Variants in PALD1 observed in about 807,000 individuals in gnomAD.
PALD1 encodes the protein phosphatase domain containing paladin 1.
Under a neutral mutation model 96.0 loss-of-function variants are expected in PALD1, and 57 were observed. The ratio of observed to expected loss-of-function variants is 0.59; its 90% CI spans 0.48 to 0.74. The LOEUF (loss-of-function observed/expected upper bound fraction) is 0.74, where lower values mean the gene tolerates loss of function less well. Ranked by LOEUF, PALD1 falls within the 30% of genes least tolerant of loss-of-function variation. The pLI is 0.00. For synonymous variants in PALD1, 464 were observed against 473.6 expected, an observed-to-expected ratio of 0.98 and a Z score of 0.26; for missense variants, 1,063 against 1,143.7, an observed-to-expected ratio of 0.93 and a Z score of 1.02.
At chr10:70,516,690 A>G (rs35106227) in intron 1 of PALD1, among the ~76,000 whole-genome samples, 26,741 of 151,804 alleles carry the variant, frequency 0.18, 2,899 homozygotes, top group African/African-American at 0.3. Flanking sequence ...AGTTGCTGCT[A>G]CTACAGGCAT....
intron 1 of PALD1, among the ~76,000 whole-genome samples, chr10:70,503,053 T>G (rs1228022894): frequency 6.6e-6 from 1 of 151,986 alleles, no homozygotes; most frequent in Non-Finnish European, 1.5e-5. Flanking sequence ...GCTAATTTTG[T>G]ATTTTTAGTA....
Position 70,540,965 on chromosome 10 carries a change from TTGTG to T in PALD1, c.1909-132_1909-129del, listed in dbSNP as rs1847229853. ...TCTCATGCACCCCGGTGAGTTTTGT[TTGTG>T]TGTGCAAGCTTGGGAGCCTGACAAT... On this transcript the variant is annotated intron_variant, in intron 15 of 19. Transcript: ENST00000263563. This position sits in a 1 kb window ranked among gnomAD's most constrained non-coding sequence, Gnocchi z 4.2. 24 of 912,010 alleles carry T rather than the reference TTGTG, an allele frequency of 2.6e-5. No individual in the cohort carries two copies. The highest frequency in any genetic ancestry group is 3.8e-5 in the Non-Finnish European group (23 of 602,494). The allele number at this position is 912,010 out of a possible 1,614,324, so 56.5% of individuals were successfully genotyped here. A position where few individuals can be genotyped will look rare whatever the true frequency, so the allele number is the denominator to read the frequency against.
the PALD1 span, among the ~76,000 whole-genome samples, chr10:70,467,321 G>A: frequency 6.6e-6 from 1 of 151,984 alleles, no homozygotes; most frequent in African/African-American, 2.4e-5. Context: ...GAAGCCTGGG[G>A]GTGGGGGTAT....
chr10:70,482,154 G>A (rs933576634), intron 1 of PALD1, among the ~76,000 whole-genome samples: 4 of 152,146 alleles, frequency 2.6e-5, no homozygotes, highest in Admixed American at 1.3e-4. Flanking sequence ...GAGCAGGCTG[G>A]GTGGGCCAGG....
At chr10:70,529,868 C>T (rs2132363862) in intron 3 of PALD1, 21 bp from the exon 4 acceptor site, 1 of 1,611,258 alleles carries the variant, frequency 6.2e-7, no homozygotes, top group East Asian at 2.2e-5. Flanking sequence ...GAGTGACCTT[C>T]CTGTGGCTCT....
Position 70,518,101 on chromosome 10 carries a change from C to T in PALD1, c.-29-7822C>T, listed in dbSNP as rs185537594. On this transcript the variant is annotated intron_variant, in intron 1 of 19. Transcript: ENST00000263563. ...TATTTTTAGTAGAGATGGGGTTTCT[C>T]GATGTTGGTCAGGCTGGTCTCGAAC... Among the ~76,000 whole-genome samples the T allele has an allele frequency of 5.5e-3, 833 of 152,156 alleles. 5 individuals are homozygous for T. The highest frequency in any genetic ancestry group is 0.017 in the Middle Eastern group (5 of 294).
At chr10:70,555,727 C>T (rs1472900490) in intron 18 of PALD1, among the ~76,000 whole-genome samples, 8 of 152,342 alleles carry the variant, frequency 5.3e-5, no homozygotes, top group East Asian at 1.9e-4. Flanking sequence ...GTTGGCCGGG[C>T]GCAGTGGCTC....
chr10:70,462,352 C>G, the PALD1 span, among the ~76,000 whole-genome samples: 2 of 152,228 alleles, frequency 1.3e-5, no homozygotes, highest in African/African-American at 2.4e-5. Flanking sequence ...CTTAACTAAT[C>G]TATGCCTCCC....
At position 70,564,458 on chromosome 10, in the gene PALD1, C is replaced by T. The variant is rs189614985; in HGVS notation, c.2357C>T (p.Ala786Val). 66 of 1,614,132 alleles carry T rather than the reference C, an allele frequency of 4.1e-5. No homozygotes were observed. In the East Asian group the frequency reaches 1.1e-3, roughly 27 times the overall value. Residue 786 changes from alanine to valine, a missense_variant, in exon 19 of 20, where the codon GCG becomes GTG. Ala to Val is a moderately conservative substitution (Grantham distance 64). Transcript: ENST00000263563. ...TATGTCTGCCTGATTCTCTTCAACGCGTACCTCCACCTGGAGAAGGCCGAC... is the reference window on the plus strand; with the variant it reads ...TATGTCTGCCTGATTCTCTTCAACGTGTACCTCCACCTGGAGAAGGCCGAC... Reference protein sequence around the residue: ...ERYVCLILFNAYLHLEKADSW... With the variant: ...ERYVCLILFNVYLHLEKADSW...
At chr10:70,510,306 C>T (rs1846486299) in intron 1 of PALD1, among the ~76,000 whole-genome samples, 1 of 152,152 alleles carries the variant, frequency 6.6e-6, no homozygotes, top group East Asian at 1.9e-4. Context: ...CACTGTCACT[C>T]TGGGTCTAGT....
chr10:70,495,135 G>T (rs970662388), intron 1 of PALD1, among the ~76,000 whole-genome samples: 1 of 152,218 alleles, frequency 6.6e-6, no homozygotes, highest in Non-Finnish European at 1.5e-5. Flanking sequence ...TGCACGGGCC[G>T]TTCCCTCTGC....
intron 18 of PALD1, among the ~76,000 whole-genome samples, chr10:70,550,177 T>C (rs1025231626): frequency 1.3e-5 from 2 of 152,228 alleles, no homozygotes; most frequent in African/African-American, 4.8e-5. Flanking sequence ...TAAACCATGC[T>C]GTGGCAGAGC....
intron 7 of PALD1, 60 bp from the exon 8 acceptor site, chr10:70,533,862 C>G: frequency 6.9e-7 from 1 of 1,446,042 alleles, no homozygotes; most frequent in South Asian, 1.4e-5. Context: ...TCTCCCTGCT[C>G]AGGCCTCAGC....
intron 1 of PALD1, among the ~76,000 whole-genome samples, chr10:70,522,861 C>T (rs139963431): frequency 1.3e-5 from 2 of 152,310 alleles, no homozygotes; most frequent in Non-Finnish European, 2.9e-5. Context: ...CATCCCAACC[C>T]TCACTATCAT....
At chr10:70,462,412 A>G in the PALD1 span, among the ~76,000 whole-genome samples, 1 of 152,280 alleles carries the variant, frequency 6.6e-6, no homozygotes, top group African/African-American at 2.4e-5. Context: ...TGAGACTTGA[A>G]TGAGGAAATA....
chr10:70,522,521 C>T (rs1271620319), intron 1 of PALD1, among the ~76,000 whole-genome samples: 2 of 152,308 alleles, frequency 1.3e-5, no homozygotes, highest in South Asian at 2.1e-4. Flanking sequence ...ATTTCCAGAT[C>T]CCACTGCAAT....
chr10:70,509,816 C>T (rs955619830), intron 1 of PALD1, among the ~76,000 whole-genome samples: 2 of 152,186 alleles, frequency 1.3e-5, no homozygotes, highest in East Asian at 3.8e-4. Flanking sequence ...GGAAGCGCTG[C>T]AGCTTCTTCT....
rs1000816100 is a variant in PALD1 at position 70,537,833 on chromosome 10, T to G, written c.1250T>G (p.Val417Gly). ...PAQGSGSRHS[V>G]WQRALWSLER... ...CAGGGAAGCGGCAGCCGACACAGCG[T>G]CTGGCAGAGGGCGCTGTGGAGCCTG... is the stretch of plus-strand genomic sequence containing the variant. The change falls in exon 11 of 20, where the codon GTC becomes GGC. Residue 417 changes from valine (V) to glycine (G), a missense_variant. Coordinates refer to ENST00000263563, the MANE Select transcript of PALD1 (RefSeq NM_014431.3). 35 of 1,612,980 alleles carry G rather than the reference T, an allele frequency of 2.2e-5. No individual in the cohort carries two copies. The highest frequency in any genetic ancestry group is 1.2e-4 in the Admixed American group (7 of 59,994).
intron 1 of PALD1, among the ~76,000 whole-genome samples, chr10:70,500,989 A>G (rs1323633370): frequency 6.6e-6 from 1 of 151,998 alleles, no homozygotes; most frequent in Admixed American, 6.6e-5. Flanking sequence ...CCATGACCCC[A>G]CAGGCCACCA....
Sources: gnomAD v4.1 joint callset for allele counts (sites outside exome capture counted in the v4.1 genomes callset) on GRCh38, gnomAD v4.1.1 for gene constraint, Gnocchi (gnomAD v3.1) non-coding constraint, MANE v1.5 for transcripts, NCBI Gene and HGNC (gene_info 2026-07-23, HGNC 2026-07-21) for gene names.